The following PRKD1 variants were observed in gnomAD, a reference collection of about 807,000 sequenced individuals.
PRKD1 encodes protein kinase D1.
In PRKD1, 63 loss-of-function variants were observed where a neutral mutation model predicts 95.9. That is an observed-to-expected ratio of 0.66 (90% CI 0.54 to 0.81). PRKD1 has a LOEUF of 0.81. PRKD1 is among the 30% of genes least tolerant of loss of function. PRKD1 has a pLI of 0.00. For missense variants in PRKD1, 1,048 were observed against 1,165.3 expected, an observed-to-expected ratio of 0.90 and a Z score of 1.47; for synonymous variants, 425 against 423.1, an observed-to-expected ratio of 1.00 and a Z score of -0.05.
Position 29,911,905 on chromosome 14 carries a change from T to C in PRKD1, c.264+15344A>G, listed in dbSNP as rs144847702. On this transcript the variant is annotated intron_variant, in intron 1 of 17. Coordinates refer to ENST00000331968, the MANE Select transcript of PRKD1 (RefSeq NM_002742.3). ...CTTGGCTCATGAGCTACTCCTCGAA[T>C]AATTCCAACATCTTGTTTCTGTTGT... 9.4e-3 allele frequency among the ~76,000 whole-genome samples: 1,438 copies of C among 152,350 alleles called. 12 individuals carry two copies. Among genetic ancestry groups the C allele is most frequent in the African/African-American group, 0.033 (1,385 of 41,586 alleles).
At chr14:29,619,771 T>G (rs1304904494) in intron 13 of PRKD1, among the ~76,000 whole-genome samples, 1 of 152,164 alleles carries the variant, frequency 6.6e-6, no homozygotes, top group Non-Finnish European at 1.5e-5. Flanking sequence ...CTTCACTGTC[T>G]CAGGATACTG....
In PRKD1 at chr14:29,680,644, C is replaced by G. The variant is rs1490776284; in HGVS notation, c.404-14436G>C. Among the ~76,000 whole-genome samples, 3 of 152,098 alleles carry G rather than the reference C, an allele frequency of 2.0e-5. No homozygotes were observed. In the South Asian group the frequency reaches 6.2e-4, roughly 32 times the overall value. ...AAGAGGAACATTTGAAGGGAAAGCC[C>G]AAGTTTTAGACCCACAGTTGAGGGA... On this transcript the variant is annotated intron_variant, in intron 2 of 17. Coordinates refer to ENST00000331968, the MANE Select transcript of PRKD1 (RefSeq NM_002742.3).
chr14:29,890,486 T>C (rs1893899219), intron 1 of PRKD1, among the ~76,000 whole-genome samples: 1 of 151,972 alleles, frequency 6.6e-6, no homozygotes, highest in Non-Finnish European at 1.5e-5. Flanking sequence ...TATCCAAAAA[T>C]AAATAACTAG....
chr14:29,712,556 G>T (rs1885385491), intron 2 of PRKD1, among the ~76,000 whole-genome samples: 1 of 152,142 alleles, frequency 6.6e-6, no homozygotes, highest in Admixed American at 6.5e-5. Flanking sequence ...GTATATTTAT[G>T]TGTCAACTTT....
intron 1 of PRKD1, among the ~76,000 whole-genome samples, chr14:29,764,840 G>A (rs1888184912): frequency 1.3e-5 from 2 of 152,150 alleles, no homozygotes; most frequent in Non-Finnish European, 2.9e-5. Context: ...AATTCCTGCG[G>A]ATTTGAACTT....
At chr14:29,883,541 A>C (rs769609507) in intron 1 of PRKD1, among the ~76,000 whole-genome samples, 3 of 152,226 alleles carry the variant, frequency 2.0e-5, no homozygotes, top group Non-Finnish European at 4.4e-5. Flanking sequence ...TCCAAACATC[A>C]AGTCTGTTCT....
At chr14:29,897,079 A>G (rs146651927) in intron 1 of PRKD1, among the ~76,000 whole-genome samples, 86 of 152,112 alleles carry the variant, frequency 5.7e-4, no homozygotes, top group African/African-American at 2.0e-3. Context: ...AGATAATAAG[A>G]GTATCTTTCT....
intron 1 of PRKD1, among the ~76,000 whole-genome samples, chr14:29,871,538 CTGTG>C (rs1893108159): frequency 6.6e-6 from 1 of 152,158 alleles, no homozygotes; most frequent in South Asian, 2.1e-4. Flanking sequence ...CTTGCCCTCT[CTGTG>C]TTTCAGCTTG....
At chr14:29,796,723 T>G (rs540122971) in intron 1 of PRKD1, among the ~76,000 whole-genome samples, 3 of 152,132 alleles carry the variant, frequency 2.0e-5, no homozygotes, top group Admixed American at 6.5e-5. Context: ...CCTACTGATA[T>G]AGTAACTTAA....
intron 1 of PRKD1, among the ~76,000 whole-genome samples, chr14:29,854,250 T>C (rs553821079): frequency 7.6e-4 from 116 of 152,314 alleles, no homozygotes; most frequent in African/African-American, 2.5e-3. Flanking sequence ...AGTTTGGAAC[T>C]TCCTAGAGAC....
intron 4 of PRKD1, among the ~76,000 whole-genome samples, chr14:29,644,867 G>A (rs1286600153): frequency 1.4e-5 from 2 of 146,892 alleles, no homozygotes; most frequent in East Asian, 2.0e-4. Flanking sequence ...TATACCTCAT[G>A]TATAAATAAA....
chr14:29,700,984 G>A lies in PRKD1; in HGVS notation c.403+24552C>T, dbSNP rs1225059530. On this transcript the variant is annotated intron_variant, in intron 2 of 17. Coordinates refer to ENST00000331968, the MANE Select transcript of PRKD1 (RefSeq NM_002742.3). ...TGTGTACGCGTGCGCATGCGCGCGC[G>A]CGCGCACACACACACACACACACCC... 5.3e-3 allele frequency among the ~76,000 whole-genome samples: 278 copies of A among 52,910 alleles called. No individual in the cohort carries two copies. The African/African-American group carries it at 0.06, about 11-fold the overall frequency. 34.7% of individuals were successfully genotyped at this position (52,910 alleles called of 152,430 possible).
intron 1 of PRKD1, among the ~76,000 whole-genome samples, chr14:29,885,922 G>T (rs58763819): frequency 6.6e-6 from 1 of 151,496 alleles, no homozygotes. Flanking sequence ...AGCTAAGATC[G>T]TACCACCATG....
At chr14:29,889,875 TTAAAG>T (rs1285477370) in intron 1 of PRKD1, among the ~76,000 whole-genome samples, 3 of 152,214 alleles carry the variant, frequency 2.0e-5, no homozygotes, top group Admixed American at 1.3e-4. Context: ...ACCCTAGAAC[TTAAAG>T]TATAATAATA....
intron 16 of PRKD1, among the ~76,000 whole-genome samples, chr14:29,590,487 C>T (rs908894438): frequency 2.0e-5 from 3 of 152,150 alleles, no homozygotes; most frequent in Non-Finnish European, 4.4e-5. Flanking sequence ...CCATTATGAA[C>T]TCGGTGGATG....
intron 1 of PRKD1, among the ~76,000 whole-genome samples, chr14:29,911,090 GT>G (rs759080838): frequency 6.6e-6 from 1 of 152,126 alleles, no homozygotes; most frequent in Non-Finnish European, 1.5e-5. Context: ...ATTTTGGCTT[GT>G]GTGTGTGGTA....
At chr14:29,737,138 A>C (rs1008137505) in intron 1 of PRKD1, among the ~76,000 whole-genome samples, 1 of 150,976 alleles carries the variant, frequency 6.6e-6, no homozygotes, top group Non-Finnish European at 1.5e-5. Flanking sequence ...CTGGCTAACA[A>C]GGTGAAACCC....
In PRKD1 at chr14:29,629,040, C is replaced by A; in HGVS notation, c.1725+1G>T. On this transcript the variant is annotated splice_donor_variant, in intron 11 of 17. Transcript: ENST00000331968. LOFTEE classifies it high-confidence loss of function. ...TTTTATATTAGTAGGTACATACTTA[C>A]CACATTTTCTTGAATCTGGCAATTT... 1 of 1,596,646 alleles carries A rather than the reference C, an allele frequency of 6.3e-7. No homozygotes were observed. Among genetic ancestry groups the A allele is most frequent in the Non-Finnish European group, 8.6e-7 (1 of 1,167,344 alleles).
At chr14:29,638,325 A>T in intron 6 of PRKD1, 164 bp downstream of exon 6, 1 of 659,656 alleles carries the variant, frequency 1.5e-6, no homozygotes. Flanking sequence ...AACTCCATGG[A>T]TGCTTTTCTA....
Sources: allele counts gnomAD v4.1 joint callset (sites outside exome capture counted in the v4.1 genomes callset), GRCh38; gene constraint gnomAD v4.1.1; transcripts MANE v1.5; gene names NCBI Gene and HGNC (gene_info 2026-07-23, HGNC 2026-07-21).